Variants in FAM124A observed in about 807,000 individuals in gnomAD.
FAM124A encodes family with sequence similarity 124 member A.
A neutral mutation model predicts 24.5 loss-of-function variants in FAM124A; 23 were observed. That is an observed-to-expected ratio of 0.94 (90% CI 0.68 to 1.33). FAM124A has a LOEUF of 1.33. Among genes scored for constraint, FAM124A ranks in the 40% most tolerant of loss-of-function variants. The pLI, the probability that FAM124A is intolerant of heterozygous loss-of-function variation, is 0.00. For synonymous variants in FAM124A, 287 were observed against 314.7 expected (o/e 0.91, Z 0.93); for missense variants, 623 against 722.8 (o/e 0.86, Z 1.58).
intron 1 of FAM124A, 55 bp downstream of exon 1, chr13:51,222,624 G>T (rs1164476368): frequency 8.3e-7 from 1 of 1,211,598 alleles, no homozygotes; most frequent in Non-Finnish European, 1.0e-6. Flanking sequence ...GTTGCGCGGC[G>T]GCTCCTCCCC....
In FAM124A at chr13:51,251,009, A is replaced by C. The variant is rs1013281352; in HGVS notation, c.101-459A>C. Among the ~76,000 whole-genome samples the C allele has an allele frequency of 5.3e-5, 8 of 152,242 alleles. No individual in the cohort carries two copies. Among genetic ancestry groups the C allele is most frequent in the Admixed American group, 5.2e-4 (8 of 15,290 alleles). On this transcript the variant is annotated intron_variant, in intron 2 of 3. Transcript: ENST00000322475. The surrounding 1 kb of genome is among the most constrained non-coding windows in gnomAD (Gnocchi z 5.3). The stretch of plus-strand genomic sequence containing the variant: ...TAAACAAATGAAATAAGCAAACCAG[A>C]GGAGTGCGTTTGTGTAGGGAACATG...
Position 51,258,878 on chromosome 13 carries a change from A to T in FAM124A, c.834+6677A>T, listed in dbSNP as rs942634312. On this transcript the variant is annotated intron_variant, in intron 3 of 3. Coordinates refer to ENST00000322475, the MANE Select transcript of FAM124A (RefSeq NM_001242312.2). This position sits in a 1 kb window ranked among gnomAD's most constrained non-coding sequence, Gnocchi z 4.2. ...GTGGCCGGGGTAGGAAGATGCCACG[A>T]GAGGCTGCTCAGAAGAACCTATGCC... is the stretch of plus-strand genomic sequence containing the variant. Among the ~76,000 whole-genome samples, 10 of 152,194 alleles carry T rather than the reference A, an allele frequency of 6.6e-5. No homozygotes were observed. Among genetic ancestry groups the T allele is most frequent in the East Asian group, 3.9e-4 (2 of 5,184 alleles).
chr13:51,240,217 C>G (rs1411912552), intron 2 of FAM124A, among the ~76,000 whole-genome samples: 1 of 152,196 alleles, frequency 6.6e-6, no homozygotes, highest in Non-Finnish European at 1.5e-5. Flanking sequence ...TAAGATGATC[C>G]CATCATTCTT....
chr13:51,241,690 G>A (rs545562724), intron 2 of FAM124A, among the ~76,000 whole-genome samples: 5 of 151,754 alleles, frequency 3.3e-5, no homozygotes, highest in Non-Finnish European at 4.4e-5. Flanking sequence ...AGACTTGTCA[G>A]TGTTATATTA....
intron 2 of FAM124A, among the ~76,000 whole-genome samples, chr13:51,242,714 A>G (rs1156934298): frequency 6.6e-6 from 1 of 151,106 alleles, no homozygotes; most frequent in East Asian, 1.9e-4. Flanking sequence ...TTCCAAGTGG[A>G]AAAAAAAACC....
Position 51,251,968 on chromosome 13 carries a change from A to C in FAM124A, c.601A>C (p.Lys201Gln), listed in dbSNP as rs1847817244. The C allele has an allele frequency of 6.2e-7, 1 of 1,614,110 alleles. No homozygotes were observed. Among genetic ancestry groups the C allele is most frequent in the African/African-American group, 1.3e-5 (1 of 74,938 alleles). Residue 201 changes from lysine to glutamine, a missense_variant, in exon 3 of 4, where the codon AAG becomes CAG. Transcript: ENST00000322475. This position sits in a 1 kb window ranked among gnomAD's most constrained non-coding sequence, Gnocchi z 5.3. ...QLILRRSPSQ[K>Q]KADFCIFPIF... is the part of the protein sequence containing the mutation. ...GATTCTCCGGAGGAGCCCCAGCCAG[A>C]AGAAAGCGGACTTCTGCATCTTCCC...
chr13:51,226,275 A>G (rs1271200507), intron 1 of FAM124A, among the ~76,000 whole-genome samples: 2 of 151,968 alleles, frequency 1.3e-5, no homozygotes, highest in Non-Finnish European at 2.9e-5. Flanking sequence ...CTAGGATTAT[A>G]GTTGTGAGCC....
chr13:51,228,612 T>G (rs534638064), intron 1 of FAM124A, among the ~76,000 whole-genome samples: 3 of 152,142 alleles, frequency 2.0e-5, no homozygotes, highest in African/African-American at 7.2e-5. Flanking sequence ...TCCTCTTGCC[T>G]AAAAAAAACT....
At chr13:51,271,211 G>C (rs1954837426) in intron 3 of FAM124A, among the ~76,000 whole-genome samples, 1 of 152,186 alleles carries the variant, frequency 6.6e-6, no homozygotes. Context: ...ACGCTCCTGT[G>C]TGCTGGCGCC....
chr13:51,264,068 G>A (rs764638307), intron 3 of FAM124A, among the ~76,000 whole-genome samples: 7 of 152,116 alleles, frequency 4.6e-5, no homozygotes, highest in Non-Finnish European at 7.4e-5. Flanking sequence ...TTTTCATGTG[G>A]CCAAGGACAA....
rs1954927306 is a variant in FAM124A, at chr13:51,280,680, G to T, written c.1065G>T (p.Trp355Cys). 6.2e-7 allele frequency: 1 copy of T among 1,614,120 alleles called. No individual in the cohort carries two copies. Among genetic ancestry groups the T allele is most frequent in the Non-Finnish European group, 8.5e-7 (1 of 1,180,020 alleles). ...CCAACAGCACCCCCAACCCTCCCTGGTCTTTCCAGAGAAGCAAGTCCTTGT... is the reference window on the plus strand; with the variant it reads ...CCAACAGCACCCCCAACCCTCCCTGTTCTTTCCAGAGAAGCAAGTCCTTGT... ...GRANSTPNPP[W>C]SFQRSKSLFC... Residue 355 changes from tryptophan to cysteine, a missense_variant, in exon 4 of 4, where the codon TGG becomes TGT. By Grantham distance (215) the Trp-to-Cys change is radical (BLOSUM62 -2). Coordinates refer to ENST00000322475, the MANE Select transcript of FAM124A (RefSeq NM_001242312.2).
chr13:51,259,465 C>T (rs9535628), intron 3 of FAM124A, among the ~76,000 whole-genome samples: 53,837 of 151,586 alleles, frequency 0.36, 10,561 homozygotes, highest in Admixed American at 0.43. Flanking sequence ...AGGGTACCTC[C>T]CATGCTTGCC....
At chr13:51,273,292 C>T (rs1268443395) in intron 3 of FAM124A, among the ~76,000 whole-genome samples, 2 of 152,148 alleles carry the variant, frequency 1.3e-5, no homozygotes, top group Non-Finnish European at 2.9e-5. Flanking sequence ...GGATAGAGGT[C>T]AGGGATGCGG....
chr13:51,270,477 G>A (rs1049434711), intron 3 of FAM124A, among the ~76,000 whole-genome samples: 5 of 151,930 alleles, frequency 3.3e-5, no homozygotes, highest in Admixed American at 6.6e-5. Flanking sequence ...GAAAGCCCAC[G>A]CAGAATTCTG....
chr13:51,249,650 A>T (rs1954598636), intron 2 of FAM124A, among the ~76,000 whole-genome samples: 1 of 152,244 alleles, frequency 6.6e-6, no homozygotes, highest in Non-Finnish European at 1.5e-5. Flanking sequence ...TTGGAAATTT[A>T]GGAGACTTTC....
chr13:51,270,020 C>G (rs1224537502), intron 3 of FAM124A, among the ~76,000 whole-genome samples: 1 of 152,178 alleles, frequency 6.6e-6, no homozygotes, highest in Non-Finnish European at 1.5e-5. Flanking sequence ...GGGGCCAGTT[C>G]TCACCCACAG....
chr13:51,232,237 C>G (rs1954385274), intron 2 of FAM124A, among the ~76,000 whole-genome samples: 1 of 152,108 alleles, frequency 6.6e-6, no homozygotes, highest in Non-Finnish European at 1.5e-5. Flanking sequence ...TGCCTCATAA[C>G]TAGAAAGAAT....
intron 2 of FAM124A, among the ~76,000 whole-genome samples, chr13:51,247,145 A>G (rs1230607816): frequency 6.6e-6 from 1 of 152,172 alleles, no homozygotes; most frequent in African/African-American, 2.4e-5. Flanking sequence ...GTGGCTGGGA[A>G]TGAAGCCAGT....
At chr13:51,241,618 G>A (rs1954495330) in intron 2 of FAM124A, among the ~76,000 whole-genome samples, 1 of 152,158 alleles carries the variant, frequency 6.6e-6, no homozygotes, top group Admixed American at 6.5e-5. Flanking sequence ...TGTCCAGTAA[G>A]TTTGTTCTCC....
Sources: gnomAD v4.1 joint callset for allele counts (sites outside exome capture counted in the v4.1 genomes callset) on GRCh38, gnomAD v4.1.1 for gene constraint, Gnocchi (gnomAD v3.1) non-coding constraint, MANE v1.5 for transcripts, NCBI Gene and HGNC (gene_info 2026-07-23, HGNC 2026-07-21) for gene names.